The following LARS2 variants were observed in gnomAD, a reference collection of about 807,000 sequenced individuals.
The protein encoded by LARS2 is leucine--tRNA ligase, mitochondrial.
Under a neutral mutation model 116.6 loss-of-function variants are expected in LARS2, and 81 were observed. The ratio of observed to expected loss-of-function variants is 0.69; its 90% CI spans 0.58 to 0.84. The LOEUF (loss-of-function observed/expected upper bound fraction) is 0.84. Among genes scored for constraint, LARS2 ranks in the 40% least tolerant of loss-of-function variants. LARS2 has a pLI of 0.00. For synonymous variants in LARS2, 396 were observed against 407.2 expected (o/e 0.97, Z 0.33); for missense variants, 968 against 1,114.5 (o/e 0.87, Z 1.87).
intron 20 of LARS2, among the ~76,000 whole-genome samples, chr3:45,537,061 T>A (rs1053156089): frequency 1.3e-5 from 2 of 152,130 alleles, no homozygotes; most frequent in African/African-American, 2.4e-5. Flanking sequence ...TGTGTCTTTG[T>A]CTTTGTGTGC....
chr3:45,493,363 T>G (rs1448187335), intron 13 of LARS2, among the ~76,000 whole-genome samples: 1 of 152,102 alleles, frequency 6.6e-6, no homozygotes, highest in Non-Finnish European at 1.5e-5. Context: ...CCTCCCAAAG[T>G]GCTGGGATTA....
chr3:45,447,510 A>G lies in LARS2; in HGVS notation c.606+530A>G, dbSNP rs538949005. On this transcript the variant is annotated intron_variant, in intron 7 of 21. Coordinates refer to ENST00000645846, the MANE Select transcript of LARS2 (RefSeq NM_015340.4). ...TTATTATTGTGGGAATGAGCTCCCA[A>G]TAAAAGGATGAGTTCAGCCAAATTC... Among the ~76,000 whole-genome samples, 8 of 149,712 alleles carry G rather than the reference A, an allele frequency of 5.3e-5. No homozygotes were observed. The South Asian group carries it at 1.7e-3, about 33-fold the overall frequency.
rs758273274 is a variant in LARS2 at position 45,516,277 on chromosome 3, G to A, written c.2044+1G>A. ...AAGGATATCTTGTGGGATGTGAAAA[G>A]TAAGTCACCTTCCTCTTCCTGACTT... On this transcript the variant is annotated splice_donor_variant, in intron 17 of 21. Transcript: ENST00000645846. LOFTEE classifies it high-confidence loss of function. 3 of 1,611,812 alleles carry A rather than the reference G, an allele frequency of 1.9e-6. No homozygotes were observed. In the South Asian group the frequency reaches 3.3e-5, roughly 18 times the overall value.
chr3:45,498,528 A>G (rs1403676747), intron 14 of LARS2, among the ~76,000 whole-genome samples: 1 of 152,250 alleles, frequency 6.6e-6, no homozygotes, highest in Non-Finnish European at 1.5e-5. Flanking sequence ...TGACTGGAGA[A>G]CACCAAACTA....
chr3:45,473,688 G>A (rs1482598791), intron 8 of LARS2, among the ~76,000 whole-genome samples: 1 of 143,012 alleles, frequency 7.0e-6, no homozygotes, highest in Non-Finnish European at 1.5e-5. Flanking sequence ...CTGGCCTGTT[G>A]TTGTTTTTTT....
chr3:45,444,688 A>G (rs1367693313), intron 6 of LARS2, among the ~76,000 whole-genome samples: 4 of 143,618 alleles, frequency 2.8e-5, no homozygotes, highest in Non-Finnish European at 1.5e-5. Flanking sequence ...AAAAAAAACA[A>G]TGCTGTTTCA....
intron 4 of LARS2, among the ~76,000 whole-genome samples, chr3:45,416,413 A>G (rs1461921452): frequency 3.3e-5 from 5 of 152,128 alleles, no homozygotes; most frequent in Non-Finnish European, 2.9e-5. Flanking sequence ...TGAATGATGT[A>G]CATTTAAGAG....
chr3:45,471,901 T>TATTC (rs1443589169), intron 8 of LARS2, among the ~76,000 whole-genome samples: 1 of 152,242 alleles, frequency 6.6e-6, no homozygotes, highest in African/African-American at 2.4e-5. Context: ...ATAATTAACA[T>TATTC]ATTCAAGATC....
intron 15 of LARS2, among the ~76,000 whole-genome samples, chr3:45,510,869 G>A (rs971247155): frequency 1.3e-5 from 2 of 152,210 alleles, no homozygotes; most frequent in African/African-American, 4.8e-5. Flanking sequence ...GGCTCCCCAA[G>A]GGCAGAGATT....
intron 21 of LARS2, among the ~76,000 whole-genome samples, chr3:45,544,755 C>A (rs1327010145): frequency 6.6e-6 from 1 of 152,160 alleles, no homozygotes; most frequent in Non-Finnish European, 1.5e-5. Flanking sequence ...CCACTTCTGG[C>A]AGTTGGAGAA....
intron 20 of LARS2, among the ~76,000 whole-genome samples, chr3:45,540,199 C>T (rs1700769528): frequency 6.6e-6 from 1 of 152,002 alleles, no homozygotes. Context: ...GCAGAGGTTG[C>T]AGTGAGCCAA....
intron 4 of LARS2, among the ~76,000 whole-genome samples, chr3:45,409,746 A>C (rs1575234929): frequency 6.6e-6 from 1 of 152,332 alleles, no homozygotes; most frequent in Non-Finnish European, 1.5e-5. Flanking sequence ...CATTTATTCC[A>C]GTGCTCTGGC....
intron 13 of LARS2, among the ~76,000 whole-genome samples, chr3:45,492,156 GA>G (rs1699930174): frequency 6.6e-6 from 1 of 152,220 alleles, no homozygotes; most frequent in Non-Finnish European, 1.5e-5. Context: ...GTGGAGAGGG[GA>G]GAAAATGTTC....
chr3:45,430,570 G>A (rs1302287882), intron 6 of LARS2, among the ~76,000 whole-genome samples: 14 of 140,382 alleles, frequency 1.0e-4, no homozygotes, highest in East Asian at 2.2e-4. Flanking sequence ...GTGAGCCACT[G>A]CGCCCGGCCA....
intron 8 of LARS2, among the ~76,000 whole-genome samples, chr3:45,466,287 G>A (rs17638880): frequency 0.29 from 44,125 of 151,970 alleles, 7,905 homozygotes; most frequent in Non-Finnish European, 0.39. Context: ...CTCAGGGATC[G>A]CTGCACAGGC....
At chr3:45,438,664 CAA>C (rs34358676) in intron 6 of LARS2, among the ~76,000 whole-genome samples, 30,880 of 135,500 alleles carry the variant, frequency 0.23, 3,401 homozygotes, top group Middle Eastern at 0.33. Flanking sequence ...CTAAAAATAC[CAA>C]AAAAAAAAAA....
At chr3:45,420,707 A>C (rs1426763462) in intron 6 of LARS2, among the ~76,000 whole-genome samples, 1 of 152,198 alleles carries the variant, frequency 6.6e-6, no homozygotes, top group Non-Finnish European at 1.5e-5. Flanking sequence ...ATACGGTCAC[A>C]GGCAGAGAGA....
intron 17 of LARS2, 94 bp from the exon 18 acceptor site, chr3:45,517,809 C>T: frequency 2.1e-6 from 2 of 969,778 alleles, no homozygotes; most frequent in South Asian, 3.3e-5. Context: ...AGTGTCACAT[C>T]AATTCACAGG....
Position 45,417,520 on chromosome 3 carries a change from T to G in LARS2, c.402T>G (p.Pro134=), listed in dbSNP as rs2125686623. The G allele has an allele frequency of 6.2e-7, 1 of 1,614,186 alleles. No homozygotes were observed. The highest frequency in any genetic ancestry group is 2.2e-5 in the East Asian group (1 of 44,888). ...NPMGWDAFGL[P]AENAAVERNL... ...TGGGATGGGATGCTTTTGGATTGCC[T>G]GCTGAAAATGCCGCAGTCGAGAGGA... Residue 134 remains proline (P), a synonymous_variant, in exon 5 of 22, where the codon CCT becomes CCG. Transcript: ENST00000645846.
Sources: gnomAD v4.1 joint callset for allele counts (sites outside exome capture counted in the v4.1 genomes callset) on GRCh38, gnomAD v4.1.1 for gene constraint, MANE v1.5 for transcripts, NCBI Gene and HGNC (gene_info 2026-07-23, HGNC 2026-07-21) for gene names.